Variants in DIP2C observed in about 807,000 individuals in gnomAD.
The protein encoded by DIP2C is disco-interacting protein 2 homolog C.
Under a neutral mutation model 192.4 loss-of-function variants are expected in DIP2C, and 33 were observed. That is an observed-to-expected ratio of 0.17 (90% CI 0.13 to 0.23). The LOEUF (loss-of-function observed/expected upper bound fraction) is 0.23, where lower values mean the gene tolerates loss of function less well. Ranked by LOEUF, DIP2C falls within the 10% of genes least tolerant of loss-of-function variation. DIP2C has a pLI of 1.00. For synonymous variants in DIP2C, 979 were observed against 864.1 expected (o/e 1.13, Z -2.33); for missense variants, 1,537 against 2,110.1 (o/e 0.73, Z 5.32).
chr10:667,815 A>G (rs1857193993), intron 1 of DIP2C: 1 of 152,384 alleles, frequency 6.6e-6, no homozygotes. Context: ...CACAACTCAC[A>G]ACATGCACAT....
rs867849790 is a variant in DIP2C, at chr10:568,581, C to T, written c.86-82051G>A. 3.6e-4 allele frequency among the ~76,000 whole-genome samples: 55 copies of T among 151,898 alleles called. 1 individual carries two copies. Among genetic ancestry groups the T allele is most frequent in the Middle Eastern group, 3.4e-3 (1 of 294 alleles). ...AGGAGATCGAGACCATCCTGGCTGA[C>T]ACGGTGAAACCCCGTCTCTACTAAA... is the stretch of plus-strand genomic sequence containing the variant. On this transcript the variant is annotated intron_variant, in intron 1 of 36. Transcript: ENST00000280886.
intron 4 of DIP2C, among the ~76,000 whole-genome samples, chr10:435,632 T>C (rs1340022348): frequency 2.6e-5 from 4 of 152,216 alleles, no homozygotes; most frequent in South Asian, 2.1e-4. Flanking sequence ...TGTGACCTCA[T>C]GTCTCTTGCA....
At position 326,999 on chromosome 10, in the gene DIP2C, A is replaced by C; in HGVS notation, c.3924+7T>G. ...CCACTCAGCACTGTGATGTCGCCGAATCTCACCTGCAAGCAAATCGCCAGG... is the reference window on the plus strand; with the variant it reads ...CCACTCAGCACTGTGATGTCGCCGACTCTCACCTGCAAGCAAATCGCCAGG... On this transcript the variant is annotated splice_region_variant and intron_variant, in intron 31 of 36. Transcript: ENST00000280886. The C allele has an allele frequency of 1.9e-6, 3 of 1,610,192 alleles. No individual in the cohort carries two copies. The highest frequency in any genetic ancestry group is 1.7e-4 in the Middle Eastern group (1 of 6,044).
intron 1 of DIP2C, among the ~76,000 whole-genome samples, chr10:614,089 G>A (rs1431515103): frequency 6.6e-6 from 1 of 152,166 alleles, no homozygotes; most frequent in African/African-American, 2.4e-5. Flanking sequence ...CCTCAAAACA[G>A]GCACACATCT....
At chr10:598,208 C>T (rs986783176) in intron 1 of DIP2C, among the ~76,000 whole-genome samples, 2 of 152,200 alleles carry the variant, frequency 1.3e-5, no homozygotes, top group Non-Finnish European at 2.9e-5. Context: ...CACCGGCCAC[C>T]ACCAAGGGCC....
At chr10:607,377 C>A (rs1564260856) in intron 1 of DIP2C, among the ~76,000 whole-genome samples, 1 of 152,200 alleles carries the variant, frequency 6.6e-6, no homozygotes, top group Admixed American at 6.5e-5. Context: ...GTGGTGCTCA[C>A]GTCTGCATTC....
Position 651,275 on chromosome 10 carries a change from C to A in DIP2C, c.85+38219G>T, listed in dbSNP as rs533744356. On this transcript the variant is annotated intron_variant, in intron 1 of 36. Transcript: ENST00000280886. This position sits in a 1 kb window ranked among gnomAD's most constrained non-coding sequence, Gnocchi z 4.1. Reference sequence around the variant, plus strand: ...GTTCCGGTCACCAGTCGGCCTCCCCCACCAACGTGGACTCCTTACAAGCAG... The same window carrying A: ...GTTCCGGTCACCAGTCGGCCTCCCCAACCAACGTGGACTCCTTACAAGCAG... The A allele has an allele frequency of 1.4e-6, 1 of 713,306 alleles. No individual in the cohort carries two copies. 44.2% of individuals were successfully genotyped at this position (713,306 alleles called of 1,614,324 possible). A position where few individuals can be genotyped will look rare whatever the true frequency, so the allele number is the denominator to read the frequency against.
At chr10:618,639 T>A (rs1255406117) in intron 1 of DIP2C, among the ~76,000 whole-genome samples, 4 of 152,398 alleles carry the variant, frequency 2.6e-5, no homozygotes, top group African/African-American at 9.6e-5. Flanking sequence ...AGACTTTGTT[T>A]GCTTTTATGC....
At chr10:505,354 T>C (rs913391605) in intron 1 of DIP2C, among the ~76,000 whole-genome samples, 37 of 152,148 alleles carry the variant, frequency 2.4e-4, no homozygotes, top group African/African-American at 8.7e-4. Context: ...AGCAAAACAT[T>C]TGAGGAACGG....
At chr10:475,616 G>A (rs1970996874) in intron 2 of DIP2C, among the ~76,000 whole-genome samples, 1 of 152,148 alleles carries the variant, frequency 6.6e-6, no homozygotes, top group Non-Finnish European at 1.5e-5. Context: ...TATCTCCTAA[G>A]TGGAAATGTA....
intron 1 of DIP2C, among the ~76,000 whole-genome samples, chr10:602,489 G>A (rs1470621666): frequency 6.6e-6 from 1 of 152,234 alleles, no homozygotes. Flanking sequence ...TCGCTCTCAG[G>A]ACCGGGGTTG....
chr10:300,867 C>T (rs1052716796), intron 32 of DIP2C, among the ~76,000 whole-genome samples: 8 of 152,186 alleles, frequency 5.3e-5, no homozygotes, highest in African/African-American at 9.7e-5. Flanking sequence ...GTGGAGAAAC[C>T]GGAACTCGCT....
At chr10:436,204 G>C (rs1421986327) in intron 4 of DIP2C, among the ~76,000 whole-genome samples, 1 of 152,278 alleles carries the variant, frequency 6.6e-6, no homozygotes, top group East Asian at 1.9e-4. Context: ...CCTTTTTCTT[G>C]ACCACAGATT....
intron 1 of DIP2C, among the ~76,000 whole-genome samples, chr10:512,922 GAAAAAAA>G (rs60269783): frequency 4.3e-5 from 4 of 92,208 alleles, no homozygotes; most frequent in Admixed American, 2.6e-4. Context: ...CCCACTTCAG[GAAAAAAA>G]AAAAAAAAAA....
At chr10:672,682 C>G (rs1365866966) in intron 1 of DIP2C, among the ~76,000 whole-genome samples, 1 of 152,218 alleles carries the variant, frequency 6.6e-6, no homozygotes, top group Non-Finnish European at 1.5e-5. Context: ...AGAGTGGTCA[C>G]TTTTCCTGTA....
chr10:572,246 G>A (rs1457754038), intron 1 of DIP2C, among the ~76,000 whole-genome samples: 1 of 152,226 alleles, frequency 6.6e-6, no homozygotes, highest in Admixed American at 6.5e-5. Context: ...AGCAAGCTTT[G>A]CTAACACGCC....
chr10:603,325 A>AAC (rs1852226502), intron 1 of DIP2C, among the ~76,000 whole-genome samples: 1 of 137,622 alleles, frequency 7.3e-6, no homozygotes, highest in African/African-American at 3.0e-5. Context: ...AAAAAAAAAA[A>AAC]AAAAAAAACC....
intron 1 of DIP2C, among the ~76,000 whole-genome samples, chr10:493,708 G>T (rs1174897003): frequency 1.3e-5 from 2 of 152,250 alleles, no homozygotes; most frequent in African/African-American, 2.4e-5. Flanking sequence ...CATGAGGACA[G>T]GTGGACAGGA....
At chr10:317,475 G>T (rs1310455571) in intron 31 of DIP2C, among the ~76,000 whole-genome samples, 1 of 152,342 alleles carries the variant, frequency 6.6e-6, no homozygotes. Flanking sequence ...TAGTTTAGGG[G>T]CTGCCAAGCC....
Sources: allele counts gnomAD v4.1 joint callset (sites outside exome capture counted in the v4.1 genomes callset), GRCh38; gene constraint gnomAD v4.1.1; non-coding constraint Gnocchi (gnomAD v3.1); transcripts MANE v1.5; gene names NCBI Gene and HGNC (gene_info 2026-07-23, HGNC 2026-07-21).